Variants in SH3RF3 observed in about 807,000 individuals in gnomAD.
SH3RF3 encodes E3 ubiquitin-protein ligase SH3RF3.
SH3RF3 carries 29 observed loss-of-function variants against 66.3 expected under a neutral mutation model. The ratio of observed to expected loss-of-function variants is 0.44; its 90% CI spans 0.33 to 0.60. The LOEUF (loss-of-function observed/expected upper bound fraction) is 0.60. SH3RF3 is among the 20% of genes least tolerant of loss of function. SH3RF3 has a pLI of 0.04. For synonymous variants in SH3RF3, 583 were observed against 532.0 expected (o/e 1.10, Z -1.32); for missense variants, 1,194 against 1,190.9 (o/e 1.00, Z -0.04).
intron 3 of SH3RF3, among the ~76,000 whole-genome samples, chr2:109,384,992 C>T (rs184184946): frequency 6.6e-6 from 1 of 152,374 alleles, no homozygotes; most frequent in Admixed American, 6.5e-5. Flanking sequence ...TCACTGCAGT[C>T]TACCCTGTGG....
chr2:109,291,552 T>C (rs1681183269), intron 1 of SH3RF3, among the ~76,000 whole-genome samples: 1 of 152,236 alleles, frequency 6.6e-6, no homozygotes, highest in Admixed American at 6.5e-5. Flanking sequence ...CAGCCGGCGA[T>C]GCCCTTGGAA....
chr2:109,261,736 G>A (rs896175126), intron 1 of SH3RF3, among the ~76,000 whole-genome samples: 3 of 152,192 alleles, frequency 2.0e-5, no homozygotes, highest in African/African-American at 7.2e-5. Context: ...TTGAGAATCA[G>A]TGTAATCGGC....
intron 1 of SH3RF3, among the ~76,000 whole-genome samples, chr2:109,256,220 C>T (rs1680217573): frequency 6.6e-6 from 1 of 152,142 alleles, no homozygotes; most frequent in Non-Finnish European, 1.5e-5. Context: ...CAAGGAAGAC[C>T]CCACAGTTGG....
chr2:109,369,126 C>T (rs962165412), intron 2 of SH3RF3, among the ~76,000 whole-genome samples: 2 of 151,614 alleles, frequency 1.3e-5, no homozygotes, highest in Non-Finnish European at 2.9e-5. Context: ...GGGCAGATCA[C>T]GAGGTCAGGG....
At chr2:109,415,222 C>T (rs557052436) in intron 4 of SH3RF3, among the ~76,000 whole-genome samples, 75 of 152,374 alleles carry the variant, frequency 4.9e-4, no homozygotes, top group Middle Eastern at 3.4e-3. Flanking sequence ...CTGACTTCAA[C>T]ACCTTCTGAG....
intron 1 of SH3RF3, among the ~76,000 whole-genome samples, chr2:109,218,484 G>A (rs1168263703): frequency 1.3e-5 from 2 of 152,182 alleles, no homozygotes; most frequent in Admixed American, 6.5e-5. Context: ...ATGTGGTGCT[G>A]CTTATTAGGC....
At chr2:109,246,089 A>G (rs1481955656) in intron 1 of SH3RF3, among the ~76,000 whole-genome samples, 2 of 152,226 alleles carry the variant, frequency 1.3e-5, no homozygotes, top group Non-Finnish European at 2.9e-5. Context: ...AACATTGGGC[A>G]AGTTACTTAG....
chr2:109,131,215 G>T (rs1490082453), intron 1 of SH3RF3, among the ~76,000 whole-genome samples: 1 of 152,106 alleles, frequency 6.6e-6, no homozygotes, highest in Non-Finnish European at 1.5e-5. Flanking sequence ...CTTGGATGTT[G>T]AGCTTGAGTT....
At chr2:109,429,388 C>G (rs1677127435) in intron 5 of SH3RF3, among the ~76,000 whole-genome samples, 1 of 152,186 alleles carries the variant, frequency 6.6e-6, no homozygotes, top group East Asian at 1.9e-4. Flanking sequence ...CCCCAGCAAC[C>G]TACACCTAGA....
intron 1 of SH3RF3, among the ~76,000 whole-genome samples, chr2:109,136,243 A>G (rs983032820): frequency 1.3e-5 from 2 of 152,126 alleles, no homozygotes; most frequent in Admixed American, 1.3e-4. Context: ...AAACACACAC[A>G]TCAGCAAGCA....
intron 2 of SH3RF3, among the ~76,000 whole-genome samples, chr2:109,353,052 A>G (rs1682873769): frequency 6.6e-6 from 1 of 152,200 alleles, no homozygotes; most frequent in African/African-American, 2.4e-5. Flanking sequence ...ACTGGGTGCC[A>G]GATCCACCTC....
At chr2:109,294,050 T>G (rs1341488178) in intron 1 of SH3RF3, among the ~76,000 whole-genome samples, 1 of 152,194 alleles carries the variant, frequency 6.6e-6, no homozygotes, top group Non-Finnish European at 1.5e-5. Context: ...TTTCTCTGCC[T>G]GGAAAGTGAC....
At chr2:109,265,340 CA>C (rs1268618987) in intron 1 of SH3RF3, among the ~76,000 whole-genome samples, 2 of 152,136 alleles carry the variant, frequency 1.3e-5, no homozygotes, top group Non-Finnish European at 2.9e-5. Flanking sequence ...CAAAATACTG[CA>C]AAATGGAAGA....
At chr2:109,499,760 G>T (rs115822273) in intron 9 of SH3RF3, among the ~76,000 whole-genome samples, 3,705 of 152,260 alleles carry the variant, frequency 0.024, 140 homozygotes, top group African/African-American at 0.082. Context: ...AGAGCAGGGG[G>T]GTGTGTGTGT....
At chr2:109,293,436 G>C (rs958049232) in intron 1 of SH3RF3, among the ~76,000 whole-genome samples, 1 of 152,170 alleles carries the variant, frequency 6.6e-6, no homozygotes, top group Non-Finnish European at 1.5e-5. Context: ...GATGTCCCAG[G>C]CTACCCCAGT....
At chr2:109,356,374 C>G (rs1293001586) in intron 2 of SH3RF3, among the ~76,000 whole-genome samples, 8 of 152,196 alleles carry the variant, frequency 5.3e-5, no homozygotes, top group African/African-American at 1.9e-4. Context: ...GCAGCTAGGT[C>G]TATGTTGGAC....
intron 1 of SH3RF3, among the ~76,000 whole-genome samples, chr2:109,317,459 C>A (rs58695387): frequency 1.3e-5 from 2 of 151,802 alleles, no homozygotes; most frequent in African/African-American, 2.4e-5. Flanking sequence ...CCCAGCCCCC[C>A]ACCCTGCTCT....
intron 8 of SH3RF3, among the ~76,000 whole-genome samples, chr2:109,480,212 C>T (rs977154521): frequency 2.6e-5 from 4 of 152,368 alleles, no homozygotes; most frequent in East Asian, 1.9e-4. Flanking sequence ...TGGCACCAAA[C>T]ATCTGTACTG....
Position 109,371,657 on chromosome 2 carries a change from G to A in SH3RF3, c.921G>A (p.Gly307=), listed in dbSNP as rs750527573. Residue 307 remains glycine, a synonymous_variant, in exon 3 of 10, where the codon GGG becomes GGA. Coordinates refer to ENST00000309415, the MANE Select transcript of SH3RF3 (RefSeq NM_001099289.3). The part of the protein sequence containing the change: ...WAEGMLGDKI[G]IFPLLYVELN... ...AAGGCATGCTGGGAGACAAGATCGG[G>A]ATCTTCCCGCTCCTGTACGTGGAGG... The A allele has an allele frequency of 2.5e-6, 4 of 1,613,846 alleles. No homozygotes were observed. The highest frequency in any genetic ancestry group is 3.4e-6 in the Non-Finnish European group (4 of 1,179,908).
Sources: allele counts gnomAD v4.1 joint callset (sites outside exome capture counted in the v4.1 genomes callset), GRCh38; gene constraint gnomAD v4.1.1; transcripts MANE v1.5; gene names NCBI Gene and HGNC (gene_info 2026-07-23, HGNC 2026-07-21).